Variants in HTR4 observed in about 807,000 individuals in gnomAD.
The protein encoded by HTR4 is 5-hydroxytryptamine (serotonin) receptor 4, G protein-coupled.
HTR4 carries 16 observed loss-of-function variants against 36.8 expected under a neutral mutation model. That is an observed-to-expected ratio of 0.43 (90% CI 0.29 to 0.66). HTR4 has a LOEUF of 0.66. Among genes scored for constraint, HTR4 ranks in the 30% least tolerant of loss-of-function variants. HTR4 has a pLI of 0.13. For missense variants in HTR4, 438 were observed against 490.9 expected, an observed-to-expected ratio of 0.89 and a Z score of 1.02; for synonymous variants, 189 against 185.1, an observed-to-expected ratio of 1.02 and a Z score of -0.17.
At chr5:148,530,264 T>C (rs1561599908) in intron 4 of HTR4, among the ~76,000 whole-genome samples, 1 of 152,120 alleles carries the variant, frequency 6.6e-6, no homozygotes. Context: ...CTCCAGGCCA[T>C]GTTAGAGGTC....
intron 2 of HTR4, among the ~76,000 whole-genome samples, chr5:148,565,693 G>A (rs887650505): frequency 2.6e-5 from 4 of 152,142 alleles, no homozygotes; most frequent in Non-Finnish European, 5.9e-5. Flanking sequence ...CAACATATAA[G>A]AGAAGATGAG....
At chr5:148,535,391 TGAAATGACA>T (rs1168077319) in intron 4 of HTR4, among the ~76,000 whole-genome samples, 7 of 152,106 alleles carry the variant, frequency 4.6e-5, no homozygotes, top group African/African-American at 1.7e-4. Context: ...CTGAGCTGGC[TGAAATGACA>T]GAAATATAAT....
In HTR4 at chr5:148,495,871, G is replaced by A. The variant is rs577521215; in HGVS notation, c.1077-12578C>T. On this transcript the variant is annotated intron_variant, in intron 6 of 6. Transcript: ENST00000377888. ...TAATCCCAGCACCTTGGGAGGCTGA[G>A]GCGGGTGAATCACGAGGTCAGGAGT... Among the ~76,000 whole-genome samples, 2 of 152,274 alleles carry A rather than the reference G, an allele frequency of 1.3e-5. 1 individual carries two copies. The highest frequency in any genetic ancestry group is 4.1e-4 in the South Asian group (2 of 4,826).
intron 2 of HTR4, among the ~76,000 whole-genome samples, chr5:148,593,440 A>C (rs752556833): frequency 4.6e-5 from 7 of 152,176 alleles, no homozygotes; most frequent in Non-Finnish European, 1.0e-4. Context: ...CTAACCAAGA[A>C]GGAAACACAG....
chr5:148,626,686 C>A (rs1753120758), intron 2 of HTR4, among the ~76,000 whole-genome samples: 1 of 152,150 alleles, frequency 6.6e-6, no homozygotes, highest in Non-Finnish European at 1.5e-5. Flanking sequence ...ATAAAATGAT[C>A]CCTTTGGTCA....
intron 2 of HTR4, among the ~76,000 whole-genome samples, chr5:148,600,486 A>G (rs1283657038): frequency 1.3e-5 from 2 of 151,428 alleles, no homozygotes; most frequent in African/African-American, 4.8e-5. Context: ...CAGAAAAAAA[A>G]TGTTGGAGCT....
chr5:148,649,891 T>G (rs898378069), intron 1 of HTR4, among the ~76,000 whole-genome samples: 8 of 152,200 alleles, frequency 5.3e-5, no homozygotes, highest in African/African-American at 1.9e-4. Context: ...TCTTTAGGTC[T>G]TAACCCAATA....
intron 6 of HTR4, among the ~76,000 whole-genome samples, chr5:148,497,261 T>C (rs1308281988): frequency 6.6e-6 from 1 of 152,150 alleles, no homozygotes; most frequent in African/African-American, 2.4e-5. Flanking sequence ...GGCACAGTAG[T>C]ATTTTTCTTA....
At chr5:148,560,157 T>C (rs1232763177) in intron 2 of HTR4, among the ~76,000 whole-genome samples, 1 of 150,700 alleles carries the variant, frequency 6.6e-6, no homozygotes, top group East Asian at 1.9e-4. Flanking sequence ...GGTCTCCCAG[T>C]TAACGTTTTT....
At chr5:148,503,064 C>T (rs1158733515) in intron 6 of HTR4, among the ~76,000 whole-genome samples, 8 of 152,208 alleles carry the variant, frequency 5.3e-5, no homozygotes, top group African/African-American at 1.9e-4. Context: ...TTGGAAAACA[C>T]TCTGCAGGAT....
intron 6 of HTR4, among the ~76,000 whole-genome samples, chr5:148,498,873 T>TA (rs543420354): frequency 3.3e-5 from 5 of 151,944 alleles, no homozygotes; most frequent in Non-Finnish European, 2.9e-5. Context: ...TTACTTCCTT[T>TA]AAAAAAAATG....
At chr5:148,528,671 T>C (rs543769926) in intron 4 of HTR4, among the ~76,000 whole-genome samples, 1 of 152,266 alleles carries the variant, frequency 6.6e-6, no homozygotes, top group East Asian at 1.9e-4. Context: ...TTGACTTTTA[T>C]ATATTGCAGT....
At chr5:148,608,130 C>A (rs780585244) in intron 2 of HTR4, among the ~76,000 whole-genome samples, 1 of 152,112 alleles carries the variant, frequency 6.6e-6, no homozygotes, top group African/African-American at 2.4e-5. Flanking sequence ...GTTTATCAAG[C>A]GATAACTAAG....
chr5:148,502,960 CA>C (rs940777456), intron 6 of HTR4, among the ~76,000 whole-genome samples: 3 of 152,080 alleles, frequency 2.0e-5, no homozygotes, highest in Non-Finnish European at 4.4e-5. Flanking sequence ...TAAAAACAAA[CA>C]AACAAAGCCT....
intron 2 of HTR4, among the ~76,000 whole-genome samples, chr5:148,591,407 G>A (rs1214119243): frequency 6.6e-6 from 1 of 152,078 alleles, no homozygotes; most frequent in African/African-American, 2.4e-5. Context: ...CATTGAATCT[G>A]TAAATGGCTT....
chr5:148,457,334 C>T (rs944667705), intron 5 of HTR4, among the ~76,000 whole-genome samples: 1 of 152,128 alleles, frequency 6.6e-6, no homozygotes, highest in African/African-American at 2.4e-5. Context: ...TCCCTTCAAG[C>T]TGGGTTGCTT....
intron 2 of HTR4, among the ~76,000 whole-genome samples, chr5:148,600,438 G>T (rs1369394912): frequency 6.7e-6 from 1 of 149,850 alleles, no homozygotes; most frequent in East Asian, 1.9e-4. Flanking sequence ...GACTGATAGG[G>T]ATGACATATT....
At position 148,482,187 on chromosome 5, in the gene HTR4, A is replaced by G. The variant is rs1257666104; in HGVS notation, c.*1016T>C. ...GTGCTGCTGGATCCTGCCCTCCTGC[A>G]CCTTGGGGGAGCTGCAGGGGAAAAT... On this transcript the variant is annotated 3_prime_UTR_variant, in exon 7 of 7. Coordinates refer to ENST00000377888, the MANE Select transcript of HTR4 (RefSeq NM_000870.7). 1.3e-5 allele frequency: 13 copies of G among 985,426 alleles called. No homozygotes were observed. The highest frequency in any genetic ancestry group is 1.4e-5 in the Non-Finnish European group (12 of 830,040). The allele number at this position is 985,426 out of a possible 1,614,324, so 61.0% of individuals were successfully genotyped here.
At chr5:148,490,200 T>C (rs1581371829) in intron 6 of HTR4, among the ~76,000 whole-genome samples, 1 of 148,672 alleles carries the variant, frequency 6.7e-6, no homozygotes, top group South Asian at 2.1e-4. Context: ...TGTGTATATA[T>C]ATACATATAT....
Sources: allele counts gnomAD v4.1 joint callset (sites outside exome capture counted in the v4.1 genomes callset), GRCh38; gene constraint gnomAD v4.1.1; transcripts MANE v1.5; gene names NCBI Gene and HGNC (gene_info 2026-07-23, HGNC 2026-07-21).